SOS1: variants seen among roughly 807,000 people sequenced by gnomAD.
SOS1 encodes son of sevenless homolog 1.
SOS1 carries 25 observed loss-of-function variants against 157.6 expected under a neutral mutation model. The observed-to-expected ratio is 0.16, with a 90% CI of 0.12 to 0.22. The LOEUF is 0.22. Among genes scored for constraint, SOS1 ranks in the 10% least tolerant of loss-of-function variants. The pLI, the probability that SOS1 is intolerant of heterozygous loss-of-function variation, is 1.00. For missense variants in SOS1, 1,237 were observed against 1,599.1 expected (o/e 0.77, Z 3.86); for synonymous variants, 528 against 534.0 (o/e 0.99, Z 0.16).
chr2:38,997,984 G>A (rs1668955440), intron 17 of SOS1, among the ~76,000 whole-genome samples: 1 of 152,134 alleles, frequency 6.6e-6, no homozygotes, highest in Non-Finnish European at 1.5e-5. Flanking sequence ...AGTACTATTT[G>A]GATAGGCTTA....
At chr2:39,067,096 G>A (rs1443508116) in intron 2 of SOS1, among the ~76,000 whole-genome samples, 1 of 151,942 alleles carries the variant, frequency 6.6e-6, no homozygotes, top group East Asian at 1.9e-4. Flanking sequence ...CCGTAGCTTC[G>A]ATCTCCTGGG....
At chr2:39,091,088 C>T (rs897414259) in intron 1 of SOS1, among the ~76,000 whole-genome samples, 1 of 152,164 alleles carries the variant, frequency 6.6e-6, no homozygotes, top group African/African-American at 2.4e-5. Flanking sequence ...AGGCTGGTCT[C>T]AAACCCCTGA....
chr2:39,098,587 T>G (rs755420928), intron 1 of SOS1: 1 of 152,612 alleles, frequency 6.6e-6, no homozygotes, highest in African/African-American at 2.4e-5. Flanking sequence ...GGAACTTACA[T>G]TCAGAATATA....
At chr2:39,064,861 G>A (rs1671540844) in intron 2 of SOS1, among the ~76,000 whole-genome samples, 1 of 137,214 alleles carries the variant, frequency 7.3e-6, no homozygotes, top group Non-Finnish European at 1.5e-5. Flanking sequence ...TGGTTCTCCT[G>A]CCTCAGCTCC....
At position 39,007,644 on chromosome 2, in the gene SOS1, G is replaced by A. The variant is rs113074426; in HGVS notation, c.2511-451C>T. 1,591 of 165,470 alleles carry A rather than the reference G, an allele frequency of 9.6e-3. 9 individuals are homozygous for A. Among genetic ancestry groups the A allele is most frequent in the Middle Eastern group, 0.026 (9 of 340 alleles). The allele number at this position is 165,470 out of a possible 1,614,324, so 10.3% of individuals were successfully genotyped here. ...TTGGCTACATACATTTCTAGGAACA[G>A]CTCTGTTCCTATGTTTCCTACATTT... On this transcript the variant is annotated intron_variant, in intron 15 of 22. Transcript: ENST00000402219.
At chr2:39,119,677 G>A (rs560947514) in intron 1 of SOS1, among the ~76,000 whole-genome samples, 1 of 152,314 alleles carries the variant, frequency 6.6e-6, no homozygotes, top group South Asian at 2.1e-4. Flanking sequence ...AGGTAACAAT[G>A]TAGCAAACTT....
At chr2:39,104,071 CAGG>C (rs1288871896) in intron 1 of SOS1, among the ~76,000 whole-genome samples, 1 of 152,094 alleles carries the variant, frequency 6.6e-6, no homozygotes, top group Non-Finnish European at 1.5e-5. Context: ...CACCTGAGGT[CAGG>C]AGTTCTAGAC....
chr2:39,002,112 T>TTTGA (rs969724372), intron 17 of SOS1, among the ~76,000 whole-genome samples: 1 of 151,544 alleles, frequency 6.6e-6, no homozygotes, highest in Non-Finnish European at 1.5e-5. Context: ...AGGTCAGGAG[T>TTTGA]TTGAGACCAG....
intron 6 of SOS1, among the ~76,000 whole-genome samples, chr2:39,044,864 G>GTGCACACA (rs1553360071): frequency 2.7e-5 from 4 of 147,760 alleles, no homozygotes; most frequent in South Asian, 2.2e-4. Context: ...GCGCGCGCGC[G>GTGCACACA]CACACACACA....
rs770539511 is a variant in SOS1, at chr2:39,120,357, T to A, written c.66A>T (p.Leu22=). 1 of 1,592,254 alleles carries A rather than the reference T, an allele frequency of 6.3e-7. No individual in the cohort carries two copies. The highest frequency in any genetic ancestry group is 8.5e-7 in the Non-Finnish European group (1 of 1,170,308). ...SEENAPKWRG[L]LVPALKKVQG... ...TCACCTTTTTCAGCGCAGGCACCAG[T>A]AGTCCCCGCCACTTGGGCGCGTTCT... The change falls in exon 1 of 23, where the codon CTA becomes CTT. Residue 22 remains leucine (L), a synonymous_variant. Transcript: ENST00000402219.
intron 1 of SOS1, among the ~76,000 whole-genome samples, chr2:39,113,054 G>T (rs1274505204): frequency 6.6e-6 from 1 of 151,222 alleles, no homozygotes; most frequent in African/African-American, 2.4e-5. Context: ...AAAAAGAAAA[G>T]AAAAGAAAAT....
chr2:39,029,623 CAAAAA>C (rs1348602546), intron 8 of SOS1, among the ~76,000 whole-genome samples: 8 of 151,794 alleles, frequency 5.3e-5, no homozygotes, highest in Admixed American at 5.2e-4. Context: ...GACCCTGTCT[CAAAAA>C]CAAAACAAAA....
At chr2:39,101,330 C>G (rs1395545625) in intron 1 of SOS1, among the ~76,000 whole-genome samples, 1 of 152,168 alleles carries the variant, frequency 6.6e-6, no homozygotes, top group Non-Finnish European at 1.5e-5. Context: ...CAGGCCCCCA[C>G]TGTCTAACAC....
In SOS1 at chr2:39,032,190, G is replaced by T. The variant is rs567500935; in HGVS notation, c.1074+3022C>A. On this transcript the variant is annotated intron_variant, in intron 8 of 22. Transcript: ENST00000402219. ...GCAGTTTTCAAATATGCAATGTATT[G>T]TTATTAACTGTAGTTACCATGATGT... Among the ~76,000 whole-genome samples the T allele has an allele frequency of 2.0e-5, 3 of 152,158 alleles. No homozygotes were observed. In the South Asian group the frequency reaches 6.2e-4, roughly 32 times the overall value.
chr2:39,081,774 T>G (rs1672209001), intron 1 of SOS1, among the ~76,000 whole-genome samples: 2 of 151,434 alleles, frequency 1.3e-5, no homozygotes, highest in South Asian at 4.2e-4. Flanking sequence ...GCAATTAGCA[T>G]CAGTGCACTC....
chr2:39,001,044 T>C (rs1572810233), intron 17 of SOS1, among the ~76,000 whole-genome samples: 1 of 152,196 alleles, frequency 6.6e-6, no homozygotes, highest in Non-Finnish European at 1.5e-5. Context: ...TTAAGGTACA[T>C]CCTCCTTTTA....
At chr2:39,106,232 A>T (rs901658343) in intron 1 of SOS1, among the ~76,000 whole-genome samples, 1 of 151,830 alleles carries the variant, frequency 6.6e-6, no homozygotes, top group Non-Finnish European at 1.5e-5. Flanking sequence ...TGAAGCATTA[A>T]AGTAGCATTA....
chr2:39,115,259 C>G (rs913635204), intron 1 of SOS1, among the ~76,000 whole-genome samples: 1 of 152,108 alleles, frequency 6.6e-6, no homozygotes, highest in African/African-American at 2.4e-5. Context: ...CCTAAACAAC[C>G]ACTGATCTGC....
intron 2 of SOS1, among the ~76,000 whole-genome samples, chr2:39,065,457 A>G (rs2123879): frequency 0.95 from 144,064 of 152,246 alleles, 68,283 homozygotes; most frequent in African/African-American, 0.99. Context: ...CTCATCTTGG[A>G]GACCTTCACC....
Sources: gnomAD v4.1 joint callset for allele counts (sites outside exome capture counted in the v4.1 genomes callset) on GRCh38, gnomAD v4.1.1 for gene constraint, MANE v1.5 for transcripts, NCBI Gene and HGNC (gene_info 2026-07-23, HGNC 2026-07-21) for gene names.